The following AGAP3 variants were observed in gnomAD, a reference collection of about 807,000 sequenced individuals.
AGAP3 encodes ArfGAP with GTPase domain, ankyrin repeat and PH domain 3, also known as arf-GAP with GTPase, ANK repeat and PH domain-containing protein 3.
A neutral mutation model predicts 96.9 loss-of-function variants in AGAP3; 24 were observed. That is an observed-to-expected ratio of 0.25 (90% confidence interval 0.18 to 0.35). The LOEUF is 0.35. Ranked by LOEUF, AGAP3 falls within the 10% of genes least tolerant of loss-of-function variation. The pLI is 1.00. For synonymous variants in AGAP3, 563 were observed against 536.1 expected, an observed-to-expected ratio of 1.05 and a Z score of -0.69; for missense variants, 876 against 1,254.2, an observed-to-expected ratio of 0.70 and a Z score of 4.55.
rs543297000 is a variant in AGAP3 at position 151,143,139 on chromosome 7, C to G, written c.2274-202C>G. On this transcript the variant is annotated intron_variant, in intron 16 of 17. Transcript: ENST00000397238. This position sits in a 1 kb window ranked among gnomAD's most constrained non-coding sequence, Gnocchi z 5.9. Reference sequence around the variant, plus strand: ...GTCCCTTCCTTTCAGCTTCTCCCACCCCCCTTTCCATTACCCACTGCCCCT... The same window carrying G: ...GTCCCTTCCTTTCAGCTTCTCCCACGCCCCTTTCCATTACCCACTGCCCCT... 6.6e-6 allele frequency among the ~76,000 whole-genome samples: 1 copy of G among 152,338 alleles called. No individual in the cohort carries two copies. The highest frequency in any genetic ancestry group is 2.4e-5 in the African/African-American group (1 of 41,580).
At chr7:151,123,107 G>C (rs1799991291) in intron 8 of AGAP3, 2 of 1,137,146 alleles carry the variant, frequency 1.8e-6, no homozygotes. Flanking sequence ...CGCCCGGCCC[G>C]GCTGCTCCTG....
rs1262474432 is a variant in AGAP3, at chr7:151,143,325, G to T, written c.2274-16G>T. On this transcript the variant is annotated splice_polypyrimidine_tract_variant and intron_variant, in intron 16 of 17. Coordinates refer to ENST00000397238, the MANE Select transcript of AGAP3 (RefSeq NM_031946.7). The surrounding 1 kb of genome is among the most constrained non-coding windows in gnomAD (Gnocchi z 5.9). ...GACCTTCCTTGGCTCATGCCCTGATGGGCCTGTGGTTGCAGAGAGGAGAAG... is the reference window on the plus strand; with the variant it reads ...GACCTTCCTTGGCTCATGCCCTGATTGGCCTGTGGTTGCAGAGAGGAGAAG... 3 of 1,598,782 alleles carry T rather than the reference G, an allele frequency of 1.9e-6. No homozygotes were observed. In the East Asian group the frequency reaches 6.7e-5, roughly 36 times the overall value.
At chr7:151,136,377 G>A (rs775292548) in intron 11 of AGAP3, 6 of 152,188 alleles carry the variant, frequency 3.9e-5, no homozygotes, top group African/African-American at 7.2e-5. Context: ...TAATGACAGC[G>A]CCCACACGCA....
intron 10 of AGAP3, among the ~76,000 whole-genome samples, chr7:151,129,356 C>T (rs546500161): frequency 4.6e-5 from 7 of 152,244 alleles, no homozygotes; most frequent in African/African-American, 1.7e-4. Context: ...CGCCCCGGCC[C>T]AGAAGCTCTG....
intron 9 of AGAP3, 106 bp downstream of exon 9, chr7:151,123,992 A>G: frequency 8.6e-7 from 1 of 1,160,018 alleles, no homozygotes; most frequent in East Asian, 2.5e-5. Context: ...AGATGGCATC[A>G]GAGGCCAGCA....
Position 151,143,608 on chromosome 7 carries a change from G to A in AGAP3, c.2529+12G>A. The A allele has an allele frequency of 2.5e-6, 4 of 1,596,676 alleles. No individual in the cohort carries two copies. Among genetic ancestry groups the A allele is most frequent in the Middle Eastern group, 1.7e-4 (1 of 5,986 alleles). On this transcript the variant is annotated intron_variant, in intron 17 of 17. Coordinates refer to ENST00000397238, the MANE Select transcript of AGAP3 (RefSeq NM_031946.7). The surrounding 1 kb of genome is among the most constrained non-coding windows in gnomAD (Gnocchi z 5.9). ...AGCTGCTCATCTGGGTGAGTCACGT[G>A]CCTCTAGCCTGCCCTGACCTCGCTC...
chr7:151,143,439 G>C lies in AGAP3; in HGVS notation c.2372G>C (p.Arg791Pro). 6.2e-7 allele frequency: 1 copy of C among 1,614,170 alleles called. No individual in the cohort carries two copies. Among genetic ancestry groups the C allele is most frequent in the African/African-American group, 1.3e-5 (1 of 75,028 alleles). ...SDVPLGQQLLRAVVEDDLRLL... is the reference protein window; with the variant it reads ...SDVPLGQQLLPAVVEDDLRLL... ...GTGCCACTGGGGCAGCAGCTGCTCC[G>C]GGCCGTGGTGGAAGATGACCTGCGG... The change falls in exon 17 of 18, where the codon CGG becomes CCG. Residue 791 changes from arginine (R) to proline (P), a missense_variant. This residue lies in a region of AGAP3 where 213 missense variants were observed against 253.8 expected (regional missense o/e 0.84). Coordinates refer to ENST00000397238, the MANE Select transcript of AGAP3 (RefSeq NM_031946.7). The surrounding 1 kb of genome is among the most constrained non-coding windows in gnomAD (Gnocchi z 5.9).
intron 9 of AGAP3, among the ~76,000 whole-genome samples, chr7:151,124,992 C>T (rs1393500671): frequency 4.6e-5 from 7 of 152,202 alleles, no homozygotes; most frequent in Non-Finnish European, 7.4e-5. Flanking sequence ...AAGCCAAGAG[C>T]ACAGTGACAG....
At chr7:151,125,936 C>T (rs1052674655) in intron 9 of AGAP3, among the ~76,000 whole-genome samples, 1 of 152,218 alleles carries the variant, frequency 6.6e-6, no homozygotes, top group East Asian at 1.9e-4. Context: ...CCTGCTCCGC[C>T]GTGCGCAGCC....
intron 1 of AGAP3, among the ~76,000 whole-genome samples, chr7:151,103,401 G>A (rs1185089838): frequency 1.3e-5 from 2 of 152,148 alleles, no homozygotes; most frequent in African/African-American, 4.8e-5. Context: ...CTCTTAAGCG[G>A]ACAGAAAACC....
At position 151,118,749 on chromosome 7, in the gene AGAP3, C is replaced by G; in HGVS notation, c.969+117C>G. 7.3e-7 allele frequency: 1 copy of G among 1,363,512 alleles called. No homozygotes were observed. The highest frequency in any genetic ancestry group is 1.0e-6 in the Non-Finnish European group (1 of 985,858). 84.5% of individuals were successfully genotyped at this position (1,363,512 alleles called of 1,614,324 possible). On this transcript the variant is annotated intron_variant, in intron 7 of 17. Coordinates refer to ENST00000397238, the MANE Select transcript of AGAP3 (RefSeq NM_031946.7). The surrounding 1 kb of genome is among the most constrained non-coding windows in gnomAD (Gnocchi z 6.1). ...ACCTGTCCACCTTCCTCTGGCCTCC[C>G]AGCCTTGCATGTTGCTTGGAAACAT...
At chr7:151,126,486 A>G (rs1585093662) in intron 9 of AGAP3, among the ~76,000 whole-genome samples, 1 of 42,104 alleles carries the variant, frequency 2.4e-5, no homozygotes. Context: ...TAGTGGGGTG[A>G]GGGGAGTCGG....
At chr7:151,123,082 G>T in intron 8 of AGAP3, 1 of 1,214,532 alleles carries the variant, frequency 8.2e-7, no homozygotes, top group Non-Finnish European at 1.0e-6. Flanking sequence ...CCAGAGGGGC[G>T]GGGGAGTCCA....
intron 10 of AGAP3, among the ~76,000 whole-genome samples, chr7:151,134,118 C>T (rs144024201): frequency 2.3e-4 from 35 of 152,274 alleles, no homozygotes; most frequent in Non-Finnish European, 5.0e-4. Context: ...CCTCTGAAGC[C>T]GTTGTTCCTG....
rs761804846 is a variant in AGAP3, at chr7:151,117,559, C to G, written c.565-77C>G. On this transcript the variant is annotated intron_variant, in intron 4 of 17. Transcript: ENST00000397238. ...AGGTGGTATGTCCAGGGAGAAGGGT[C>G]TACTTGAGTTCACCTGCCCTGCATG... The G allele has an allele frequency of 2.9e-5, 46 of 1,611,456 alleles. 1 individual carries two copies. In the Middle Eastern group the frequency reaches 8.2e-4, roughly 29 times the overall value.
At position 151,144,208 on chromosome 7, in the gene AGAP3, G is replaced by A. The variant is rs1800933896; in HGVS notation, c.*265G>A. On this transcript the variant is annotated 3_prime_UTR_variant, in exon 18 of 18. Coordinates refer to ENST00000397238, the MANE Select transcript of AGAP3 (RefSeq NM_031946.7). ...CTTCGGAGGTGCCTGTGAGGAGAGG[G>A]GAGCAGGACCTCTCCCTCCTCCAGA... 1 of 484,768 alleles carries A rather than the reference G, an allele frequency of 2.1e-6. No homozygotes were observed. 30.0% of individuals were successfully genotyped at this position (484,768 alleles called of 1,614,324 possible).
chr7:151,104,177 C>T (rs1798946008), intron 1 of AGAP3, among the ~76,000 whole-genome samples: 2 of 152,250 alleles, frequency 1.3e-5, no homozygotes, highest in South Asian at 2.1e-4. Context: ...TTGGTGATAT[C>T]GGGATTGTCA....
At chr7:151,099,809 A>G (rs1798764704) in intron 1 of AGAP3, among the ~76,000 whole-genome samples, 1 of 152,174 alleles carries the variant, frequency 6.6e-6, no homozygotes, top group Non-Finnish European at 1.5e-5. Flanking sequence ...CCATTTTTGT[A>G]AGGTTTTTTT....
chr7:151,128,559 T>C, intron 9 of AGAP3, 21 bp from the exon 10 acceptor site: 6 of 1,611,108 alleles, frequency 3.7e-6, no homozygotes, highest in Non-Finnish European at 5.1e-6. Context: ...TCCTGGTTTC[T>C]GATCAGACCT....
Sources: allele counts gnomAD v4.1 joint callset (sites outside exome capture counted in the v4.1 genomes callset), GRCh38; gene constraint gnomAD v4.1.1; regional missense constraint gnomAD v4.1.1; non-coding constraint Gnocchi (gnomAD v3.1); transcripts MANE v1.5; gene names NCBI Gene and HGNC (gene_info 2026-07-23, HGNC 2026-07-21).